Variants in THSD4 observed in about 807,000 individuals in gnomAD.
THSD4 encodes the protein thrombospondin type-1 domain-containing protein 4.
A neutral mutation model predicts 119.0 loss-of-function variants in THSD4; 69 were observed. That is an observed-to-expected ratio of 0.58 (90% CI 0.48 to 0.71). The LOEUF is 0.71. THSD4 is among the 30% of genes least tolerant of loss of function. The pLI, the probability that THSD4 is intolerant of heterozygous loss-of-function variation, is 0.00. For synonymous variants in THSD4, 524 were observed against 540.4 expected (o/e 0.97, Z 0.42); for missense variants, 1,393 against 1,391.1 (o/e 1.00, Z -0.02).
At chr15:71,193,747 G>A (rs1332925171) in intron 3 of THSD4, among the ~76,000 whole-genome samples, 5 of 151,942 alleles carry the variant, frequency 3.3e-5, no homozygotes, top group Admixed American at 1.3e-4. Context: ...TCGCTCTGTT[G>A]CCCAGGCAGG....
At position 71,765,100 on chromosome 15, in the gene THSD4, G is replaced by A. The variant is rs1390028212; in HGVS notation, c.2670G>A (p.Leu890=). The A allele has an allele frequency of 6.2e-7, 1 of 1,614,202 alleles. No homozygotes were observed. Among genetic ancestry groups the A allele is most frequent in the Admixed American group, 1.7e-5 (1 of 60,024 alleles). The change falls in exon 16 of 18, where the codon TTG becomes TTA. Residue 890 remains leucine, a synonymous_variant. Transcript: ENST00000261862. ...AGAATGCAGACACCTTTGAAGTGTTGGACCCCTCTGAATGTTCTTTCCTGG... is the reference window on the plus strand; with the variant it reads ...AGAATGCAGACACCTTTGAAGTGTTAGACCCCTCTGAATGTTCTTTCCTGG... The part of the protein sequence containing the change: ...VRKNADTFEV[L]DPSECSFLEK...
chr15:71,535,716 G>A (rs1303964689), intron 7 of THSD4, among the ~76,000 whole-genome samples: 1 of 152,106 alleles, frequency 6.6e-6, no homozygotes. Flanking sequence ...TGTGCTTATT[G>A]ACCATTTGTA....
intron 16 of THSD4, among the ~76,000 whole-genome samples, chr15:71,768,717 A>G (rs2140238791): frequency 1.3e-5 from 2 of 151,024 alleles, no homozygotes; most frequent in East Asian, 4.0e-4. Flanking sequence ...GGTGCCCACC[A>G]CCATGCACGG....
chr15:71,684,027 T>G (rs892401675), intron 8 of THSD4, among the ~76,000 whole-genome samples: 2 of 152,340 alleles, frequency 1.3e-5, no homozygotes, highest in Non-Finnish European at 2.9e-5. Context: ...TACCGTTTAT[T>G]CAAATAGCTT....
chr15:71,768,559 G>GTTT (rs1305642240), intron 16 of THSD4, among the ~76,000 whole-genome samples: 2 of 96,568 alleles, frequency 2.1e-5, no homozygotes, highest in African/African-American at 3.1e-5. Flanking sequence ...CGCAGATCCT[G>GTTT]ATTTTTTTTT....
intron 7 of THSD4, among the ~76,000 whole-genome samples, chr15:71,556,949 G>T (rs922660911): frequency 2.0e-5 from 3 of 151,496 alleles, no homozygotes; most frequent in African/African-American, 7.3e-5. Flanking sequence ...TTTTTTAATG[G>T]CCATTTTGAG....
chr15:71,469,781 G>A (rs1298896295), intron 7 of THSD4, among the ~76,000 whole-genome samples: 1 of 152,180 alleles, frequency 6.6e-6, no homozygotes, highest in Non-Finnish European at 1.5e-5. Flanking sequence ...AGTGTCTCCT[G>A]TGGCACCTGA....
At chr15:71,416,711 ATTTTG>A (rs200092978) in intron 7 of THSD4, among the ~76,000 whole-genome samples, 15,417 of 87,630 alleles carry the variant, frequency 0.18, 4,903 homozygotes, top group East Asian at 0.39. Flanking sequence ...ATTTTATTTT[ATTTTG>A]TTTTGTTTTG....
chr15:71,367,415 T>A (rs2045979990), intron 6 of THSD4, among the ~76,000 whole-genome samples: 1 of 152,174 alleles, frequency 6.6e-6, no homozygotes, highest in African/African-American at 2.4e-5. Flanking sequence ...TTACATTAGG[T>A]ATATCTCCTA....
intron 6 of THSD4, among the ~76,000 whole-genome samples, chr15:71,409,108 C>G (rs974180821): frequency 4.0e-5 from 6 of 151,494 alleles, no homozygotes; most frequent in Non-Finnish European, 7.4e-5. Context: ...TTTCTTGTGG[C>G]CATTCGGAGA....
intron 7 of THSD4, among the ~76,000 whole-genome samples, chr15:71,460,794 A>G (rs1419710910): frequency 6.6e-6 from 1 of 152,130 alleles, no homozygotes; most frequent in East Asian, 1.9e-4. Flanking sequence ...TTGCCTAATC[A>G]TTCATTGCAG....
chr15:71,748,795 C>A (rs3816768), intron 14 of THSD4, among the ~76,000 whole-genome samples: 41,589 of 152,074 alleles, frequency 0.27, 6,123 homozygotes, highest in African/African-American at 0.36. Context: ...AGGGTGTATG[C>A]AAAACTTGAT....
chr15:71,690,944 T>C (rs2141050665), intron 8 of THSD4, among the ~76,000 whole-genome samples: 2 of 152,304 alleles, frequency 1.3e-5, no homozygotes, highest in Admixed American at 1.3e-4. Flanking sequence ...CAAAGGGGAA[T>C]TAATGTTACA....
chr15:71,205,756 C>T (rs2043838448), intron 3 of THSD4, among the ~76,000 whole-genome samples: 1 of 152,006 alleles, frequency 6.6e-6, no homozygotes, highest in African/African-American at 2.4e-5. Flanking sequence ...TGCAATGTGT[C>T]ATGTCAGAGT....
chr15:71,413,066 C>T (rs936201304), intron 7 of THSD4, among the ~76,000 whole-genome samples: 1 of 152,106 alleles, frequency 6.6e-6, no homozygotes, highest in Non-Finnish European at 1.5e-5. Context: ...GGCTGGAGTG[C>T]AGTGGCACAA....
At chr15:71,376,247 T>G (rs994623815) in intron 6 of THSD4, among the ~76,000 whole-genome samples, 2 of 129,776 alleles carry the variant, frequency 1.5e-5, no homozygotes, top group Non-Finnish European at 3.4e-5. Context: ...TAGGACAAGA[T>G]GAAGGCAGTG....
chr15:71,488,535 C>T (rs5006597), intron 7 of THSD4, among the ~76,000 whole-genome samples: 149,639 of 152,280 alleles, frequency 0.98, 73,584 homozygotes, highest in East Asian at 1. Flanking sequence ...TCTCATACTT[C>T]TTAGAAGATG....
At chr15:71,440,817 T>C (rs905815862) in intron 7 of THSD4, among the ~76,000 whole-genome samples, 1 of 152,170 alleles carries the variant, frequency 6.6e-6, no homozygotes, top group African/African-American at 2.4e-5. Context: ...GGGCAATAAC[T>C]GGGGACAGTT....
Position 71,768,276 on chromosome 15 carries a change from C to CAAAAAAAAAA in THSD4, c.2770-2788_2770-2787insAAAAAAAAAA, listed in dbSNP as rs1555451045. ...CCCGGAAGTAGTCTCACAAAAAAAA[C>CAAAAAAAAAA]CAAAAAAAAACCCTGCACCTGTTAA... On this transcript the variant is annotated intron_variant, in intron 16 of 17. Coordinates refer to ENST00000261862, the MANE Select transcript of THSD4 (RefSeq NM_024817.3). Among the ~76,000 whole-genome samples, 585 of 150,170 alleles carry CAAAAAAAAAA rather than the reference C, an allele frequency of 3.9e-3. 6 individuals are homozygous for CAAAAAAAAAA. Among genetic ancestry groups the CAAAAAAAAAA allele is most frequent in the African/African-American group, 0.013 (520 of 41,110 alleles).
Sources: allele counts gnomAD v4.1 joint callset (sites outside exome capture counted in the v4.1 genomes callset), GRCh38; gene constraint gnomAD v4.1.1; transcripts MANE v1.5; gene names NCBI Gene and HGNC (gene_info 2026-07-23, HGNC 2026-07-21).